MINK1: variants seen among roughly 807,000 people sequenced by gnomAD.
The protein encoded by MINK1 is misshapen-like kinase 1.
Under a neutral mutation model 178.4 loss-of-function variants are expected in MINK1, and 46 were observed. That is an observed-to-expected ratio of 0.26 (90% CI 0.20 to 0.33). The LOEUF is 0.33. Among genes scored for constraint, MINK1 ranks in the 10% least tolerant of loss-of-function variants. The pLI, the probability that MINK1 is intolerant of heterozygous loss-of-function variation, is 1.00. For synonymous variants in MINK1, 797 were observed against 709.7 expected (o/e 1.12, Z -1.96); for missense variants, 1,366 against 1,814.9 (o/e 0.75, Z 4.49).
Position 4,847,115 on chromosome 17 carries a change from T to A in MINK1, c.57+13475T>A, listed in dbSNP as rs761416906. ...CAAATTGCCTATCTCTAAAGAGCTG[T>A]CAGTGGGAGGCCTGCTAACACAACG... On this transcript the variant is annotated intron_variant, in intron 1 of 31. Coordinates refer to ENST00000355280, the MANE Select transcript of MINK1 (RefSeq NM_153827.5). 1.7e-5 allele frequency: 8 copies of A among 460,134 alleles called. No individual in the cohort carries two copies. The East Asian group carries it at 5.4e-4, about 31-fold the overall frequency. The allele number at this position is 460,134 out of a possible 1,614,324, so 28.5% of individuals were successfully genotyped here. A position where few individuals can be genotyped will look rare whatever the true frequency, so the allele number is the denominator to read the frequency against.
intron 1 of MINK1, among the ~76,000 whole-genome samples, chr17:4,853,770 A>C (rs762353374): frequency 1.3e-5 from 2 of 152,008 alleles, no homozygotes; most frequent in Non-Finnish European, 2.9e-5. Flanking sequence ...CTTGGGAGAG[A>C]GACAGAATCA....
chr17:4,834,805 AGAC>A (rs1367302862), intron 1 of MINK1: 9 of 519,994 alleles, frequency 1.7e-5, no homozygotes, highest in Non-Finnish European at 3.5e-5. Flanking sequence ...GCCCCTGCTC[AGAC>A]TGTCTTCTGG....
chr17:4,864,432 G>T (rs927649440), intron 1 of MINK1, among the ~76,000 whole-genome samples: 1 of 150,756 alleles, frequency 6.6e-6, no homozygotes, highest in Non-Finnish European at 1.5e-5. Context: ...ATTAAATAAA[G>T]GGCTATGGGG....
At position 4,886,725 on chromosome 17, in the gene MINK1, T is replaced by G; in HGVS notation, c.949+99T>G. 1.5e-6 allele frequency: 2 copies of G among 1,309,182 alleles called. No individual in the cohort carries two copies. The highest frequency in any genetic ancestry group is 3.1e-5 in the South Asian group (2 of 64,316). 81.1% of individuals were successfully genotyped at this position (1,309,182 alleles called of 1,614,324 possible). A position where few individuals can be genotyped will look rare whatever the true frequency, so the allele number is the denominator to read the frequency against. On this transcript the variant is annotated intron_variant, in intron 10 of 31. Coordinates refer to ENST00000355280, the MANE Select transcript of MINK1 (RefSeq NM_153827.5). This position sits in a 1 kb window ranked among gnomAD's most constrained non-coding sequence, Gnocchi z 6.1. ...CTCCTGGCACCCCTTCCTGCTCCCC[T>G]CCTTGGCCCCAGCTCTCCCTGTCCA...
chr17:4,859,313 A>G, intron 1 of MINK1: 1 of 985,284 alleles, frequency 1.0e-6, no homozygotes, highest in Non-Finnish European at 1.2e-6. Flanking sequence ...ATTATGACTC[A>G]TCGGTCAGCA....
chr17:4,885,941 A>G lies in MINK1; in HGVS notation c.670A>G (p.Ile224Val). ...TATTTGGTCTCTAGGAATCACAGCC[A>G]TCGAGATGGCAGAGGGAGCCCCCCG... The part of the protein sequence containing the change: ...SDIWSLGITA[I>V]EMAEGAPPLC... Residue 224 changes from isoleucine to valine, a missense_variant, in exon 8 of 32, where the codon ATC (isoleucine) becomes GTC (valine). Physicochemically the swap from Ile to Val is conservative, Grantham distance 29. Coordinates refer to ENST00000355280, the MANE Select transcript of MINK1 (RefSeq NM_153827.5). This position sits in a 1 kb window ranked among gnomAD's most constrained non-coding sequence, Gnocchi z 5.0. The G allele has an allele frequency of 6.2e-7, 1 of 1,613,936 alleles. No homozygotes were observed. The highest frequency in any genetic ancestry group is 8.5e-7 in the Non-Finnish European group (1 of 1,179,856).
intron 21 of MINK1, 149 bp downstream of exon 21, chr17:4,893,746 T>G: frequency 8.3e-7 from 1 of 1,201,004 alleles, no homozygotes; most frequent in Non-Finnish European, 1.1e-6. Flanking sequence ...TTCCTGTCTC[T>G]CTCCCGCTGC....
In MINK1 at chr17:4,894,490, C is replaced by G. The variant is rs754730760; in HGVS notation, c.2809-35C>G. The G allele has an allele frequency of 1.3e-6, 2 of 1,552,138 alleles. No individual in the cohort carries two copies. The highest frequency in any genetic ancestry group is 1.8e-6 in the Non-Finnish European group (2 of 1,142,582). ...AGGGGCAGGGCCGCAGCTGGACTTG[C>G]ACTTGTTTGCCTGACTGCTGTCCCC... On this transcript the variant is annotated intron_variant, in intron 23 of 31. Coordinates refer to ENST00000355280, the MANE Select transcript of MINK1 (RefSeq NM_153827.5). This position sits in a 1 kb window ranked among gnomAD's most constrained non-coding sequence, Gnocchi z 4.1.
rs1190776567 is a variant in MINK1 at position 4,895,467 on chromosome 17, G to A, written c.3203G>A (p.Gly1068Glu). Reference protein sequence around the residue: ...RRFQQMDVLEGLNLLITISGK... With the variant: ...RRFQQMDVLEELNLLITISGK... ...TTCCAGCAGATGGATGTGCTGGAGG[G>A]GCTCAACCTGCTCATCACCATCTCA... The change falls in exon 26 of 32, where the codon GGG (glycine) becomes GAG (glutamate). Residue 1068 changes from glycine to glutamate, a missense_variant. This residue lies in a region of MINK1 where 77 missense variants were observed against 119.5 expected (regional missense o/e 0.64). Coordinates refer to ENST00000355280, the MANE Select transcript of MINK1 (RefSeq NM_153827.5). The surrounding 1 kb of genome is among the most constrained non-coding windows in gnomAD (Gnocchi z 4.3). 6.3e-7 allele frequency: 1 copy of A among 1,594,110 alleles called. No homozygotes were observed. The highest frequency in any genetic ancestry group is 8.6e-7 in the Non-Finnish European group (1 of 1,168,652).
chr17:4,895,907 T>C lies in MINK1; in HGVS notation c.3364+75T>C, dbSNP rs1296303105. The C allele has an allele frequency of 6.3e-7, 1 of 1,577,576 alleles. No homozygotes were observed. The highest frequency in any genetic ancestry group is 1.8e-5 in the Admixed American group (1 of 54,364). ...GAAATGGATCTGGGAGCCAGGGACT[T>C]GGGGCCTGGGTGGGGCAGTGTAGTG... On this transcript the variant is annotated intron_variant, in intron 27 of 31. Transcript: ENST00000355280. This position sits in a 1 kb window ranked among gnomAD's most constrained non-coding sequence, Gnocchi z 4.3.
intron 20 of MINK1, 28 bp from the exon 21 acceptor site, chr17:4,893,406 C>T (rs1311169261): frequency 6.2e-7 from 1 of 1,600,442 alleles, no homozygotes. Flanking sequence ...CAGCTTCTCC[C>T]TGCCCCTCAC....
chr17:4,847,083 G>A, intron 1 of MINK1: 1 of 447,336 alleles, frequency 2.2e-6, no homozygotes, highest in South Asian at 1.6e-5. Context: ...AACCTCCTCA[G>A]GTGGCCCAAA....
chr17:4,868,576 G>T (rs1488189526), intron 1 of MINK1, among the ~76,000 whole-genome samples: 2 of 152,146 alleles, frequency 1.3e-5, no homozygotes, highest in East Asian at 3.8e-4. Flanking sequence ...CCATGTTGCT[G>T]CAAGTGGACA....
At position 4,847,288 on chromosome 17, in the gene MINK1, G is replaced by A. The variant is rs1419877227; in HGVS notation, c.57+13648G>A. ...TTCAGATGGAGTCTCGCTCAGGCTG[G>A]AATGCAGTGGCGCAGTCTCAGCTCA... On this transcript the variant is annotated intron_variant, in intron 1 of 31. Coordinates refer to ENST00000355280, the MANE Select transcript of MINK1 (RefSeq NM_153827.5). 8.8e-6 allele frequency: 4 copies of A among 453,952 alleles called. No homozygotes were observed. In the East Asian group the frequency reaches 2.8e-4, roughly 32 times the overall value. The allele number at this position is 453,952 out of a possible 1,614,324, so 28.1% of individuals were successfully genotyped here.
At position 4,895,664 on chromosome 17, in the gene MINK1, T is replaced by C. The variant is rs1567625747; in HGVS notation, c.3230-34T>C. 1.5e-5 allele frequency: 24 copies of C among 1,607,630 alleles called. No individual in the cohort carries two copies. Among genetic ancestry groups the C allele is most frequent in the Non-Finnish European group, 2.0e-5 (24 of 1,176,152 alleles). ...GTGGCATTCGGGCCTCAGATGAGAA[T>C]GGGGGCGGGTGTGTATGTCTGTCCG... On this transcript the variant is annotated intron_variant, in intron 26 of 31. Transcript: ENST00000355280. The surrounding 1 kb of genome is among the most constrained non-coding windows in gnomAD (Gnocchi z 4.3).
chr17:4,891,601 C>A lies in MINK1; in HGVS notation c.1886C>A (p.Thr629Lys), dbSNP rs188278508. 3.1e-6 allele frequency: 5 copies of A among 1,604,064 alleles called. No homozygotes were observed. Among genetic ancestry groups the A allele is most frequent in the Non-Finnish European group, 4.3e-6 (5 of 1,175,910 alleles). The change falls in exon 16 of 32, where the codon ACG becomes AAG. Residue 629 changes from threonine (T) to lysine (K), a missense_variant. By Grantham distance (78) the Thr-to-Lys change is moderately conservative. This residue lies in a region of MINK1 where 709 missense variants were observed against 692.3 expected (regional missense o/e 1.02). Coordinates refer to ENST00000355280, the MANE Select transcript of MINK1 (RefSeq NM_153827.5). ...PDPAIPAPTA[T>K]PSARGAVIRQ... ...CCTGCCATCCCCGCACCCACTGCCA[C>A]GCCCAGTGCCCGAGGAGCTGTCATC...
chr17:4,880,208 G>T (rs1173713321), intron 2 of MINK1, among the ~76,000 whole-genome samples: 2 of 152,122 alleles, frequency 1.3e-5, no homozygotes, highest in African/African-American at 2.4e-5. Flanking sequence ...TGTTGGCCAT[G>T]ATGGCTCAGG....
Position 4,880,077 on chromosome 17 carries a change from A to C in MINK1, c.124-907A>C, listed in dbSNP as rs571039358. Among the ~76,000 whole-genome samples, 6 of 152,256 alleles carry C rather than the reference A, an allele frequency of 3.9e-5. No individual in the cohort carries two copies. The South Asian group carries it at 1.2e-3, about 32-fold the overall frequency. ...TAACTTTCAGACTGTAGAAAGTCCA[A>C]GCCAGAGAGGCTGGAACAGAACATA... On this transcript the variant is annotated intron_variant, in intron 2 of 31. Coordinates refer to ENST00000355280, the MANE Select transcript of MINK1 (RefSeq NM_153827.5).
rs781664254 is a variant in MINK1, at chr17:4,896,557, G to A, written c.3744G>A (p.Val1248=). Residue 1248 remains valine, a synonymous_variant, in exon 30 of 32, where the codon GTG becomes GTA. Coordinates refer to ENST00000355280, the MANE Select transcript of MINK1 (RefSeq NM_153827.5). The surrounding 1 kb of genome is among the most constrained non-coding windows in gnomAD (Gnocchi z 4.6). ...ACGGGCGCATCATTAAGGATGTGGTGCTGCAGTGGGGGGAGATGCCTACTT... is the reference window on the plus strand; with the variant it reads ...ACGGGCGCATCATTAAGGATGTGGTACTGCAGTGGGGGGAGATGCCTACTT... ...NTYGRIIKDV[V]LQWGEMPTSV... is the part of the protein sequence containing the mutation. The A allele has an allele frequency of 6.2e-7, 1 of 1,613,960 alleles. No individual in the cohort carries two copies. The highest frequency in any genetic ancestry group is 8.5e-7 in the Non-Finnish European group (1 of 1,179,870).
Sources: allele counts gnomAD v4.1 joint callset (sites outside exome capture counted in the v4.1 genomes callset), GRCh38; gene constraint gnomAD v4.1.1; regional missense constraint gnomAD v4.1.1; non-coding constraint Gnocchi (gnomAD v3.1); transcripts MANE v1.5; gene names NCBI Gene and HGNC (gene_info 2026-07-23, HGNC 2026-07-21).